Variants in RALGPS1 observed in about 807,000 individuals in gnomAD.
RALGPS1 encodes the protein Ral GEF with PH domain and SH3 binding motif 1, also known as ras-specific guanine nucleotide-releasing factor RalGPS1.
A neutral mutation model predicts 78.8 loss-of-function variants in RALGPS1; 19 were observed. The observed-to-expected ratio is 0.24, with a 90% CI of 0.17 to 0.35. The LOEUF is 0.35. RALGPS1 is among the 10% of genes least tolerant of loss of function. The pLI is 1.00. For missense variants in RALGPS1, 454 were observed against 688.3 expected, an observed-to-expected ratio of 0.66 and a Z score of 3.81; for synonymous variants, 228 against 256.3, an observed-to-expected ratio of 0.89 and a Z score of 1.06.
intron 8 of RALGPS1, among the ~76,000 whole-genome samples, chr9:127,128,347 C>G (rs2138089196): frequency 6.6e-6 from 1 of 152,366 alleles, no homozygotes; most frequent in Non-Finnish European, 1.5e-5. Context: ...TTTAAGGTCT[C>G]TGACCAATCA....
At chr9:126,976,730 C>T (rs1564347508) in intron 3 of RALGPS1, among the ~76,000 whole-genome samples, 2 of 152,214 alleles carry the variant, frequency 1.3e-5, no homozygotes, top group Non-Finnish European at 2.9e-5. Context: ...AGTGTCTTCT[C>T]ACATTAAAGG....
chr9:126,921,460 G>A (rs550048678), intron 1 of RALGPS1, among the ~76,000 whole-genome samples: 2 of 152,236 alleles, frequency 1.3e-5, no homozygotes, highest in Non-Finnish European at 2.9e-5. Context: ...GGAGAGGCAT[G>A]AGTTGTACTT....
intron 1 of RALGPS1, among the ~76,000 whole-genome samples, chr9:126,935,260 G>A (rs1005424115): frequency 6.6e-6 from 1 of 152,138 alleles, no homozygotes; most frequent in African/African-American, 2.4e-5. Flanking sequence ...TCTGTGTCTT[G>A]TTCAATGCCT....
intron 8 of RALGPS1, among the ~76,000 whole-genome samples, chr9:127,104,125 C>G (rs2053997467): frequency 6.6e-6 from 1 of 152,136 alleles, no homozygotes; most frequent in Non-Finnish European, 1.5e-5. Context: ...TTTTATGGCC[C>G]CTTCTTCTTC....
At chr9:126,977,181 C>T (rs62578947) in intron 3 of RALGPS1, among the ~76,000 whole-genome samples, 4,188 of 152,212 alleles carry the variant, frequency 0.028, 52 homozygotes, top group Middle Eastern at 0.048. Flanking sequence ...TCTGTGGGTG[C>T]GTCTTGAATA....
At chr9:126,981,412 A>T (rs951700360) in intron 4 of RALGPS1, among the ~76,000 whole-genome samples, 3 of 152,180 alleles carry the variant, frequency 2.0e-5, no homozygotes, top group African/African-American at 7.2e-5. Flanking sequence ...GCTCCCAATG[A>T]TGGAGTGGTG....
intron 4 of RALGPS1, among the ~76,000 whole-genome samples, chr9:126,978,763 C>G (rs887898783): frequency 2.6e-5 from 4 of 152,158 alleles, no homozygotes; most frequent in Non-Finnish European, 5.9e-5. Flanking sequence ...CTCTCCTTCT[C>G]CTGCTTTCTT....
intron 8 of RALGPS1, among the ~76,000 whole-genome samples, chr9:127,131,534 A>G (rs1424813568): frequency 6.6e-6 from 1 of 152,192 alleles, no homozygotes; most frequent in East Asian, 1.9e-4. Context: ...TCCGTCTTCC[A>G]TTTTAACTGA....
chr9:127,013,823 C>A (rs1442495842), intron 4 of RALGPS1, among the ~76,000 whole-genome samples: 1 of 152,206 alleles, frequency 6.6e-6, no homozygotes, highest in Non-Finnish European at 1.5e-5. Flanking sequence ...CTCTGGCCTT[C>A]CCACAGGTCC....
chr9:127,049,334 C>T (rs1030904708), intron 5 of RALGPS1, among the ~76,000 whole-genome samples: 3 of 152,152 alleles, frequency 2.0e-5, no homozygotes, highest in African/African-American at 7.2e-5. Flanking sequence ...CCTGTTCCAC[C>T]ATCAGACACA....
intron 7 of RALGPS1, among the ~76,000 whole-genome samples, chr9:127,054,213 C>A (rs1309551035): frequency 6.6e-6 from 1 of 152,210 alleles, no homozygotes; most frequent in Non-Finnish European, 1.5e-5. Context: ...GCTGCCAGCC[C>A]TGTGATTCCA....
chr9:126,969,340 C>G (rs1417565203), intron 3 of RALGPS1, among the ~76,000 whole-genome samples: 3 of 152,198 alleles, frequency 2.0e-5, no homozygotes, highest in Non-Finnish European at 4.4e-5. Context: ...CTCCTGGACT[C>G]AAGCCCTTTT....
chr9:127,090,191 C>T (rs886119191), intron 8 of RALGPS1, among the ~76,000 whole-genome samples: 1 of 152,180 alleles, frequency 6.6e-6, no homozygotes, highest in Non-Finnish European at 1.5e-5. Context: ...TCTTTGCCAG[C>T]GGAGGTCCCA....
intron 11 of RALGPS1, 21 bp from the exon 12 acceptor site, chr9:127,195,070 C>CTCTCTCTGCTCTGTTTGCAGG: frequency 6.2e-7 from 1 of 1,611,856 alleles, no homozygotes; most frequent in South Asian, 1.1e-5. Context: ...CCCGTTGTTG[C>CTCTCTCTGCTCTGTTTGCAGG]TCTCTCTGCT....
At chr9:127,129,298 A>G (rs938159342) in intron 8 of RALGPS1, among the ~76,000 whole-genome samples, 1 of 152,176 alleles carries the variant, frequency 6.6e-6, no homozygotes, top group Non-Finnish European at 1.5e-5. Flanking sequence ...AAAAATTCAT[A>G]GACACTTTCC....
chr9:127,034,982 G>A (rs2046745202), intron 5 of RALGPS1, among the ~76,000 whole-genome samples: 2 of 151,976 alleles, frequency 1.3e-5, no homozygotes, highest in South Asian at 2.1e-4. Context: ...CATTTCTTTG[G>A]GGAGTCTTCC....
intron 1 of RALGPS1, among the ~76,000 whole-genome samples, chr9:126,945,420 G>A (rs892651308): frequency 3.3e-5 from 5 of 152,034 alleles, no homozygotes; most frequent in Non-Finnish European, 7.4e-5. Context: ...GGCAGATCTC[G>A]AACTCCTGAC....
At chr9:127,005,884 G>A (rs963749987) in intron 4 of RALGPS1, among the ~76,000 whole-genome samples, 1 of 152,208 alleles carries the variant, frequency 6.6e-6, no homozygotes, top group Non-Finnish European at 1.5e-5. Flanking sequence ...GGACAAGTCT[G>A]CAAACCTTCT....
At chr9:127,172,635 T>C (rs1172442515) in intron 10 of RALGPS1, among the ~76,000 whole-genome samples, 1 of 152,268 alleles carries the variant, frequency 6.6e-6, no homozygotes, top group Non-Finnish European at 1.5e-5. Context: ...CAGCTGTAAC[T>C]GGGATTGTCT....
Sources: allele counts gnomAD v4.1 joint callset (sites outside exome capture counted in the v4.1 genomes callset), GRCh38; gene constraint gnomAD v4.1.1; transcripts MANE v1.5; gene names NCBI Gene and HGNC (gene_info 2026-07-23, HGNC 2026-07-21).